The following SYT14 variants were observed in gnomAD, a reference collection of about 807,000 sequenced individuals.
The protein encoded by SYT14 is synaptotagmin 14.
A neutral mutation model predicts 74.2 loss-of-function variants in SYT14; 32 were observed. That is an observed-to-expected ratio of 0.43 (90% CI 0.33 to 0.58). SYT14 has a LOEUF of 0.58. Among genes scored for constraint, SYT14 ranks in the 20% least tolerant of loss-of-function variants. The pLI is 0.05. For missense variants in SYT14, 791 were observed against 981.8 expected (o/e 0.81, Z 2.60); for synonymous variants, 298 against 337.7 (o/e 0.88, Z 1.29).
chr1:209,954,858 A>C (rs902379847), intron 2 of SYT14, among the ~76,000 whole-genome samples: 1 of 152,056 alleles, frequency 6.6e-6, no homozygotes, highest in Non-Finnish European at 1.5e-5. Flanking sequence ...GGCGCATGCC[A>C]CCATGCCCGG....
intron 2 of SYT14, among the ~76,000 whole-genome samples, chr1:210,007,863 G>C (rs1401516727): frequency 6.6e-6 from 1 of 152,078 alleles, no homozygotes; most frequent in East Asian, 1.9e-4. Context: ...TTAATCTAAA[G>C]ACTAAGATAA....
intron 2 of SYT14, among the ~76,000 whole-genome samples, chr1:209,958,225 G>A (rs967357896): frequency 6.6e-6 from 1 of 152,066 alleles, no homozygotes; most frequent in Non-Finnish European, 1.5e-5. Flanking sequence ...TTTTTATCAA[G>A]TTGGTCTATT....
chr1:210,014,653 C>T (rs1339135609), intron 3 of SYT14, among the ~76,000 whole-genome samples: 3 of 152,120 alleles, frequency 2.0e-5, no homozygotes, highest in South Asian at 4.1e-4. Context: ...ACTTATAAGA[C>T]TCTATTAGTT....
At chr1:209,991,329 C>T (rs2079680600) in intron 2 of SYT14, among the ~76,000 whole-genome samples, 1 of 152,120 alleles carries the variant, frequency 6.6e-6, no homozygotes, top group South Asian at 2.1e-4. Flanking sequence ...AAATAATCAA[C>T]ACAGTGAACA....
chr1:210,152,379 A>T (rs964997437), intron 7 of SYT14, among the ~76,000 whole-genome samples: 7 of 152,180 alleles, frequency 4.6e-5, no homozygotes, highest in South Asian at 2.1e-4. Flanking sequence ...ATTTTAAAAA[A>T]TTTTAACTAC....
intron 2 of SYT14, among the ~76,000 whole-genome samples, chr1:209,971,671 A>T (rs1219025156): frequency 6.6e-6 from 1 of 152,130 alleles, no homozygotes; most frequent in Non-Finnish European, 1.5e-5. Context: ...AACTCAGTTT[A>T]TGCGGTGAAT....
chr1:210,128,999 G>T (rs1301102254), intron 7 of SYT14, among the ~76,000 whole-genome samples: 1 of 152,050 alleles, frequency 6.6e-6, no homozygotes, highest in East Asian at 1.9e-4. Flanking sequence ...AGCAATGTAT[G>T]TTCCTTAGGT....
chr1:209,962,177 AG>A (rs1349461825), intron 2 of SYT14, among the ~76,000 whole-genome samples: 3 of 152,016 alleles, frequency 2.0e-5, no homozygotes, highest in Non-Finnish European at 4.4e-5. Context: ...TGTATAATTT[AG>A]TTTTAATTAT....
intron 2 of SYT14, among the ~76,000 whole-genome samples, chr1:209,998,047 T>G (rs1001004528): frequency 5.9e-5 from 9 of 152,128 alleles, no homozygotes; most frequent in Non-Finnish European, 1.0e-4. Context: ...CTTTGAATTT[T>G]GATTGCGTGT....
intron 1 of SYT14, among the ~76,000 whole-genome samples, chr1:209,946,541 A>G (rs546170318): frequency 3.6e-4 from 55 of 152,354 alleles, no homozygotes; most frequent in African/African-American, 1.2e-3. Flanking sequence ...ACTCTCTTCA[A>G]TTCTGTGAAT....
At chr1:210,087,370 G>A (rs2081756949) in intron 5 of SYT14, among the ~76,000 whole-genome samples, 1 of 152,128 alleles carries the variant, frequency 6.6e-6, no homozygotes, top group African/African-American at 2.4e-5. Context: ...CACCCTCCTG[G>A]ATTTTCATAG....
chr1:210,146,208 C>T (rs1032597652), intron 7 of SYT14, among the ~76,000 whole-genome samples: 1 of 152,056 alleles, frequency 6.6e-6, no homozygotes, highest in African/African-American at 2.4e-5. Flanking sequence ...CGTGTTGGCT[C>T]ATGCCTGTAG....
intron 7 of SYT14, among the ~76,000 whole-genome samples, chr1:210,133,625 T>C (rs2082721700): frequency 6.6e-6 from 1 of 152,168 alleles, no homozygotes; most frequent in South Asian, 2.1e-4. Context: ...TATTCACTTA[T>C]CCATTCTAAG....
At chr1:209,939,939 A>G (rs765887749) in intron 1 of SYT14, among the ~76,000 whole-genome samples, 175 of 152,264 alleles carry the variant, frequency 1.1e-3, no homozygotes, top group Non-Finnish European at 1.1e-3. Flanking sequence ...ACCTGATGGC[A>G]TTTTACTCTG....
Position 210,003,079 on chromosome 1 carries a change from A to G in SYT14, c.-485-10554A>G, listed in dbSNP as rs536616216. On this transcript the variant is annotated intron_variant, in intron 2 of 9. Transcript: ENST00000637265. ...AAATTGATTGGCTAAAGCATTTCACATTTAGATCTATAGTCTATCTAGAAT... is the reference window on the plus strand; with the variant it reads ...AAATTGATTGGCTAAAGCATTTCACGTTTAGATCTATAGTCTATCTAGAAT... Among the ~76,000 whole-genome samples, 6 of 152,316 alleles carry G rather than the reference A, an allele frequency of 3.9e-5. No individual in the cohort carries two copies. The East Asian group carries it at 1.2e-3, about 29-fold the overall frequency.
chr1:209,974,655 A>G (rs1166669609), intron 2 of SYT14, among the ~76,000 whole-genome samples: 1 of 151,960 alleles, frequency 6.6e-6, no homozygotes, highest in Non-Finnish European at 1.5e-5. Flanking sequence ...TGATGCCTCC[A>G]GCTTTGTTCT....
chr1:210,028,908 A>G (rs1099864), intron 5 of SYT14, among the ~76,000 whole-genome samples: 16,926 of 152,130 alleles, frequency 0.11, 1,224 homozygotes, highest in Non-Finnish European at 0.15. Flanking sequence ...AAGCGTTCCA[A>G]TTTCTCTGCC....
At chr1:209,990,763 T>G (rs946782956) in intron 2 of SYT14, among the ~76,000 whole-genome samples, 2 of 151,478 alleles carry the variant, frequency 1.3e-5, no homozygotes, top group Non-Finnish European at 2.9e-5. Context: ...ATAAAAAATT[T>G]AAAAAATTAG....
chr1:210,002,277 T>G (rs973278433), intron 2 of SYT14, among the ~76,000 whole-genome samples: 2 of 152,122 alleles, frequency 1.3e-5, no homozygotes, highest in Non-Finnish European at 2.9e-5. Context: ...TTCCTGAGTA[T>G]TATCCCTTTT....
Sources: gnomAD v4.1 joint callset for allele counts (sites outside exome capture counted in the v4.1 genomes callset) on GRCh38, gnomAD v4.1.1 for gene constraint, MANE v1.5 for transcripts, NCBI Gene and HGNC (gene_info 2026-07-23, HGNC 2026-07-21) for gene names.